MS4A5: variants seen among roughly 807,000 people sequenced by gnomAD.
The protein encoded by MS4A5 is membrane-spanning 4-domains subfamily A member 5.
A neutral mutation model predicts 18.2 loss-of-function variants in MS4A5; 15 were observed. That is an observed-to-expected ratio of 0.83 (90% CI 0.55 to 1.27). The LOEUF (loss-of-function observed/expected upper bound fraction) is 1.27, where lower values mean the gene tolerates loss of function less well. MS4A5 is among the 50% of genes most tolerant of loss of function. The pLI is 0.00. For synonymous variants in MS4A5, 89 were observed against 78.7 expected (o/e 1.13, Z -0.69); for missense variants, 232 against 225.7 (o/e 1.03, Z -0.18).
At chr11:60,438,665 A>C (rs1487655815) in intron 4 of MS4A5, among the ~76,000 whole-genome samples, 1 of 152,102 alleles carries the variant, frequency 6.6e-6, no homozygotes, top group African/African-American at 2.4e-5. Flanking sequence ...AATAAACTAG[A>C]AAATCTAGAA....
intron 1 of MS4A5, among the ~76,000 whole-genome samples, chr11:60,430,591 A>G (rs2086043454): frequency 6.6e-6 from 1 of 152,214 alleles, no homozygotes; most frequent in South Asian, 2.1e-4. Flanking sequence ...AGGAGCACTG[A>G]TTTAGATCAT....
At chr11:60,435,385 A>G (rs908557289) in intron 4 of MS4A5, 3 of 447,452 alleles carry the variant, frequency 6.7e-6, no homozygotes, top group African/African-American at 2.0e-5. Context: ...TTTTAAAACC[A>G]CAATATTTAT....
At chr11:60,438,592 G>A (rs1213822886) in intron 4 of MS4A5, among the ~76,000 whole-genome samples, 3 of 152,014 alleles carry the variant, frequency 2.0e-5, no homozygotes, top group Non-Finnish European at 2.9e-5. Context: ...TAAAGGGGAT[G>A]TCACCACCGA....
At chr11:60,441,676 A>C (rs1324581299) in intron 4 of MS4A5, among the ~76,000 whole-genome samples, 1 of 151,540 alleles carries the variant, frequency 6.6e-6, no homozygotes, top group Non-Finnish European at 1.5e-5. Context: ...AGGGAATATA[A>C]AATAAAAGAA....
intron 4 of MS4A5, chr11:60,435,440 A>G (rs560575048): frequency 3.4e-5 from 15 of 437,642 alleles, no homozygotes; most frequent in African/African-American, 2.3e-4. Flanking sequence ...AAGATGGCCA[A>G]ATAGGAACAG....
intron 1 of MS4A5, among the ~76,000 whole-genome samples, chr11:60,430,416 T>G (rs2086042008): frequency 6.6e-6 from 1 of 152,194 alleles, no homozygotes; most frequent in South Asian, 2.1e-4. Flanking sequence ...ATTCAGTGTT[T>G]CTCAGACATT....
chr11:60,433,828 C>G lies in MS4A5; in HGVS notation c.403C>G (p.Leu135Val), dbSNP rs746902038. 6.2e-7 allele frequency: 1 copy of G among 1,613,736 alleles called. No homozygotes were observed. Among genetic ancestry groups the G allele is most frequent in the African/African-American group, 1.3e-5 (1 of 74,900 alleles). Residue 135 changes from leucine to valine, a missense_variant, in exon 4 of 5, where the codon CTC becomes GTC. Coordinates refer to ENST00000300190, the MANE Select transcript of MS4A5 (RefSeq NM_023945.3). ...ALGAIAGIIL[L>V]TFGFILDQNY... Reference sequence around the variant, plus strand: ...GGGAGCAATAGCTGGAATCATTCTCCTCACATTTGGTTTCATCCTAGATCA... The same window carrying G: ...GGGAGCAATAGCTGGAATCATTCTCGTCACATTTGGTTTCATCCTAGATCA...
chr11:60,433,628 C>T (rs769664598), intron 3 of MS4A5, 137 bp from the exon 4 acceptor site: 31 of 746,598 alleles, frequency 4.2e-5, no homozygotes, highest in South Asian at 9.4e-5. Context: ...TGAAGCAATT[C>T]GCACAGGATC....
intron 4 of MS4A5, among the ~76,000 whole-genome samples, chr11:60,437,599 C>T (rs2086087799): frequency 6.6e-6 from 1 of 150,734 alleles, no homozygotes; most frequent in Non-Finnish European, 1.5e-5. Flanking sequence ...AAATGGAAAA[C>T]AAAAAAAGGC....
intron 2 of MS4A5, among the ~76,000 whole-genome samples, chr11:60,431,286 G>A (rs2086047264): frequency 6.6e-6 from 1 of 152,196 alleles, no homozygotes; most frequent in Non-Finnish European, 1.5e-5. Flanking sequence ...AAGTCAGTGT[G>A]ATAAATGTTA....
intron 4 of MS4A5, among the ~76,000 whole-genome samples, chr11:60,442,062 A>G (rs1486718496): frequency 6.6e-6 from 1 of 152,246 alleles, no homozygotes; most frequent in Non-Finnish European, 1.5e-5. Flanking sequence ...AACTGAAAGA[A>G]TATGTAGACA....
At chr11:60,435,394 A>T (rs2086073231) in intron 4 of MS4A5, 1 of 447,660 alleles carries the variant, frequency 2.2e-6, no homozygotes, top group South Asian at 1.6e-5. Context: ...CACAATATTT[A>T]TCATGTTTTA....
At chr11:60,444,742 A>G (rs2086130542) in intron 4 of MS4A5, among the ~76,000 whole-genome samples, 1 of 152,226 alleles carries the variant, frequency 6.6e-6, no homozygotes, top group Non-Finnish European at 1.5e-5. Context: ...AATCATTTTA[A>G]TTAAAAGGAC....
chr11:60,432,400 C>G lies in MS4A5; in HGVS notation c.283-11C>G. 1.3e-6 allele frequency: 2 copies of G among 1,554,408 alleles called. No individual in the cohort carries two copies. Among genetic ancestry groups the G allele is most frequent in the South Asian group, 1.1e-5 (1 of 87,836 alleles). On this transcript the variant is annotated splice_polypyrimidine_tract_variant and intron_variant, in intron 2 of 4. Transcript: ENST00000300190. ...CATGGTCATCATTAACATATTTATT[C>G]CTCTTAACAGTTCATTAATTCTGGA...
Position 60,432,398 on chromosome 11 carries a change from T to C in MS4A5, c.283-13T>C, listed in dbSNP as rs191061257. On this transcript the variant is annotated splice_polypyrimidine_tract_variant and intron_variant, in intron 2 of 4. Coordinates refer to ENST00000300190, the MANE Select transcript of MS4A5 (RefSeq NM_023945.3). The stretch of plus-strand genomic sequence containing the variant: ...AACATGGTCATCATTAACATATTTA[T>C]TCCTCTTAACAGTTCATTAATTCTG... 9.7e-6 allele frequency: 15 copies of C among 1,547,008 alleles called. No homozygotes were observed. The East Asian group carries it at 3.4e-4, about 35-fold the overall frequency.
chr11:60,432,963 C>T (rs1019369251), intron 3 of MS4A5, among the ~76,000 whole-genome samples: 4 of 152,026 alleles, frequency 2.6e-5, no homozygotes, highest in Non-Finnish European at 2.9e-5. Context: ...AGAATTATAA[C>T]CCATTATGCT....
chr11:60,441,144 G>C (rs1451492006), intron 4 of MS4A5, among the ~76,000 whole-genome samples: 2 of 121,948 alleles, frequency 1.6e-5, no homozygotes, highest in Non-Finnish European at 1.7e-5. Context: ...GGATGAAATT[G>C]GAAATCATCA....
chr11:60,430,258 GAAA>G (rs56029330), intron 1 of MS4A5, among the ~76,000 whole-genome samples: 86,502 of 148,512 alleles, frequency 0.58, 25,179 homozygotes, highest in Admixed American at 0.62. Context: ...GAGAGGGAGA[GAAA>G]AAAAAAAAAA....
chr11:60,430,130 A>C (rs1478544207), intron 1 of MS4A5, among the ~76,000 whole-genome samples: 1 of 152,230 alleles, frequency 6.6e-6, no homozygotes, highest in Non-Finnish European at 1.5e-5. Context: ...CAGAGCACAT[A>C]GACTCACACG....
Sources: allele counts gnomAD v4.1 joint callset (sites outside exome capture counted in the v4.1 genomes callset), GRCh38; gene constraint gnomAD v4.1.1; transcripts MANE v1.5; gene names NCBI Gene and HGNC (gene_info 2026-07-23, HGNC 2026-07-21).